The following RAB3GAP1 variants were observed in gnomAD, a reference collection of about 807,000 sequenced individuals.
RAB3GAP1 encodes the protein RAB3 GTPase activating protein catalytic subunit 1.
A neutral mutation model predicts 130.7 loss-of-function variants in RAB3GAP1; 86 were observed. The ratio of observed to expected loss-of-function variants is 0.66; its 90% CI spans 0.55 to 0.79. RAB3GAP1 has a LOEUF of 0.79. RAB3GAP1 is among the 30% of genes least tolerant of loss of function. RAB3GAP1 has a pLI of 0.00. For synonymous variants in RAB3GAP1, 367 were observed against 401.7 expected, an observed-to-expected ratio of 0.91 and a Z score of 1.03; for missense variants, 1,029 against 1,169.4, an observed-to-expected ratio of 0.88 and a Z score of 1.75.
chr2:135,137,204 C>T, intron 17 of RAB3GAP1: 1 of 411,976 alleles, frequency 2.4e-6, no homozygotes, highest in South Asian at 1.8e-5. Flanking sequence ...TGACTTGATA[C>T]CTACGATGGC....
chr2:135,068,027 A>C (rs1016647005), intron 3 of RAB3GAP1, among the ~76,000 whole-genome samples: 1 of 152,206 alleles, frequency 6.6e-6, no homozygotes, highest in Non-Finnish European at 1.5e-5. Flanking sequence ...GGTGTGATCC[A>C]CTGAGCCTGG....
intron 3 of RAB3GAP1, among the ~76,000 whole-genome samples, chr2:135,075,204 C>T (rs761431037): frequency 2.0e-5 from 3 of 152,118 alleles, no homozygotes; most frequent in Non-Finnish European, 4.4e-5. Flanking sequence ...CCCACTGTTT[C>T]CCTTGTTCTT....
In RAB3GAP1 at chr2:135,112,106, G is replaced by A. The variant is rs543963751; in HGVS notation, c.363-1045G>A. On this transcript the variant is annotated intron_variant, in intron 5 of 23. Coordinates refer to ENST00000264158, the MANE Select transcript of RAB3GAP1 (RefSeq NM_012233.3). The stretch of plus-strand genomic sequence containing the variant: ...ATACAACTCCTGGGGCCACCTCCAC[G>A]ATGGCCCAGCCCCACCACTGACCCT... 5.3e-4 allele frequency among the ~76,000 whole-genome samples: 80 copies of A among 152,274 alleles called. 1 individual carries two copies. Among genetic ancestry groups the A allele is most frequent in the Admixed American group, 1.6e-3 (24 of 15,298 alleles).
intron 5 of RAB3GAP1, among the ~76,000 whole-genome samples, chr2:135,107,566 C>T (rs933635686): frequency 2.0e-5 from 3 of 152,198 alleles, no homozygotes; most frequent in African/African-American, 7.2e-5. Flanking sequence ...GTTTGAGCAC[C>T]TCCAGTTACC....
intron 11 of RAB3GAP1, among the ~76,000 whole-genome samples, chr2:135,129,092 C>T (rs906184818): frequency 1.3e-5 from 2 of 152,186 alleles, no homozygotes; most frequent in Non-Finnish European, 2.9e-5. Flanking sequence ...GTCAAGGCTG[C>T]AGTGAGCCAT....
chr2:135,113,529 C>A (rs1348199191), intron 6 of RAB3GAP1, among the ~76,000 whole-genome samples: 2 of 152,176 alleles, frequency 1.3e-5, no homozygotes, highest in East Asian at 3.8e-4. Context: ...CCCAGCCAGT[C>A]ACAGCAGCTG....
Position 135,162,845 on chromosome 2 carries a change from A to G in RAB3GAP1, c.2484A>G (p.Lys828=), listed in dbSNP as rs534188927. 6 of 1,610,288 alleles carry G rather than the reference A, an allele frequency of 3.7e-6. No homozygotes were observed. The highest frequency in any genetic ancestry group is 1.7e-4 in the Middle Eastern group (1 of 6,050). The change falls in exon 21 of 24, where the codon AAA becomes AAG. Residue 828 remains lysine (K), a synonymous_variant. Coordinates refer to ENST00000264158, the MANE Select transcript of RAB3GAP1 (RefSeq NM_012233.3). ...VLHFPNPEDK[K]LEEIIHQITN... is the part of the protein sequence containing the mutation. ...ACTTCCCCAATCCAGAAGACAAGAA[A>G]TTGGAAGTAAGTTTGATGTAGTGTC...
chr2:135,143,389 A>G (rs887413193), intron 17 of RAB3GAP1, among the ~76,000 whole-genome samples: 3 of 151,946 alleles, frequency 2.0e-5, no homozygotes, highest in African/African-American at 7.2e-5. Context: ...TGAAAAAACA[A>G]CTTTGGGTTT....
At chr2:135,128,183 A>G (rs1032076823) in intron 11 of RAB3GAP1, among the ~76,000 whole-genome samples, 2 of 152,222 alleles carry the variant, frequency 1.3e-5, no homozygotes, top group Non-Finnish European at 2.9e-5. Context: ...GAATACAAAG[A>G]TGTATAAGGT....
intron 5 of RAB3GAP1, among the ~76,000 whole-genome samples, chr2:135,106,874 G>A (rs1439204216): frequency 6.7e-6 from 1 of 149,644 alleles, no homozygotes; most frequent in Admixed American, 6.6e-5. Context: ...AAAACACTCA[G>A]AACTGGAAGT....
chr2:135,125,483 A>T (rs1204400393), intron 9 of RAB3GAP1, among the ~76,000 whole-genome samples: 3 of 152,240 alleles, frequency 2.0e-5, no homozygotes, highest in African/African-American at 7.2e-5. Context: ...AATGTAAATG[A>T]GGCATAGTAA....
chr2:135,150,288 CTG>C, intron 17 of RAB3GAP1, 79 bp from the exon 18 acceptor site: 5 of 1,537,450 alleles, frequency 3.3e-6, no homozygotes. Context: ...GCTGAAATGA[CTG>C]TTGTCTTTAT....
At position 135,153,234 on chromosome 2, in the gene RAB3GAP1, T is replaced by A. The variant is rs1692222619; in HGVS notation, c.2062-415T>A. Among the ~76,000 whole-genome samples the A allele has an allele frequency of 2.6e-5, 4 of 152,226 alleles. No individual in the cohort carries two copies. The South Asian group carries it at 6.2e-4, about 24-fold the overall frequency. On this transcript the variant is annotated intron_variant, in intron 18 of 23. Transcript: ENST00000264158. ...AATTTTTACTTTTCTTAGTATTGAGTAGTTATTATACTGTAATATGAAACT... is the reference window on the plus strand; with the variant it reads ...AATTTTTACTTTTCTTAGTATTGAGAAGTTATTATACTGTAATATGAAACT...
chr2:135,161,371 C>T (rs557511164), intron 19 of RAB3GAP1, among the ~76,000 whole-genome samples: 32 of 151,500 alleles, frequency 2.1e-4, no homozygotes, highest in East Asian at 1.9e-4. Flanking sequence ...GAATGGTATA[C>T]GAATATCAAA....
rs539310402 is a variant in RAB3GAP1, at chr2:135,103,035, A to ATTTTTTTTTTTTTTTTTTTTTTTTTTT, written c.362+9362_362+9363insTTTTTTTTTTTTTTTTTTTTTTTTTTT. Among the ~76,000 whole-genome samples, 7 of 90,886 alleles carry ATTTTTTTTTTTTTTTTTTTTTTTTTTT rather than the reference A, an allele frequency of 7.7e-5. 2 individuals are homozygous for ATTTTTTTTTTTTTTTTTTTTTTTTTTT. The highest frequency in any genetic ancestry group is 3.8e-4 in the East Asian group (1 of 2,630). The allele number at this position is 90,886 out of a possible 152,430, so 59.6% of individuals were successfully genotyped here. On this transcript the variant is annotated intron_variant, in intron 5 of 23. Coordinates refer to ENST00000264158, the MANE Select transcript of RAB3GAP1 (RefSeq NM_012233.3). ...AAAAAAAAAAAAAATCATTTTTGTG[A>ATTTTTTTTTTTTTTTTTTTTTTTTTTT]TTTTTTTTTTTTTTTTTTTTGAGAC...
chr2:135,150,974 TA>T (rs1158369162), intron 18 of RAB3GAP1, among the ~76,000 whole-genome samples: 4 of 152,108 alleles, frequency 2.6e-5, no homozygotes, highest in African/African-American at 9.7e-5. Flanking sequence ...TGAGTTCTCT[TA>T]TGGAGGCAGG....
intron 17 of RAB3GAP1, among the ~76,000 whole-genome samples, chr2:135,146,385 T>C (rs1260320475): frequency 6.6e-6 from 1 of 152,012 alleles, no homozygotes; most frequent in East Asian, 1.9e-4. Context: ...CTAATTTTTG[T>C]ATTTTTAATA....
At chr2:135,149,337 A>T (rs1268121979) in intron 17 of RAB3GAP1, among the ~76,000 whole-genome samples, 1 of 152,228 alleles carries the variant, frequency 6.6e-6, no homozygotes, top group Non-Finnish European at 1.5e-5. Flanking sequence ...TGAAGCCTAT[A>T]ATATAACCTA....
chr2:135,167,792 C>T (rs1692700805), intron 23 of RAB3GAP1: 2 of 1,204,112 alleles, frequency 1.7e-6, no homozygotes, highest in East Asian at 2.8e-5. Flanking sequence ...TAACACTAAC[C>T]ACCTCTCTCA....
Sources: allele counts gnomAD v4.1 joint callset (sites outside exome capture counted in the v4.1 genomes callset), GRCh38; gene constraint gnomAD v4.1.1; transcripts MANE v1.5; gene names NCBI Gene and HGNC (gene_info 2026-07-23, HGNC 2026-07-21).